UHRF2: variants seen among roughly 807,000 people sequenced by gnomAD.
UHRF2 encodes ubiquitin like with PHD and ring finger domains 2, also known as E3 ubiquitin-protein ligase UHRF2.
In UHRF2, 23 loss-of-function variants were observed where a neutral mutation model predicts 96.8. The ratio of observed to expected loss-of-function variants is 0.24; its 90% CI spans 0.17 to 0.34. The LOEUF is 0.34. Among genes scored for constraint, UHRF2 ranks in the 10% least tolerant of loss-of-function variants. The probability of loss-of-function intolerance (pLI) is 1.00; values close to 1 mark genes in which losing one functional copy is unlikely to be tolerated. For synonymous variants in UHRF2, 385 were observed against 332.6 expected, an observed-to-expected ratio of 1.16 and a Z score of -1.72; for missense variants, 685 against 981.5, an observed-to-expected ratio of 0.70 and a Z score of 4.04.
intron 3 of UHRF2, among the ~76,000 whole-genome samples, chr9:6,452,725 G>A (rs1290622643): frequency 6.6e-6 from 1 of 152,184 alleles, no homozygotes; most frequent in Non-Finnish European, 1.5e-5. Flanking sequence ...TTTTCTCAGA[G>A]AATACTGAGC....
intron 14 of UHRF2, among the ~76,000 whole-genome samples, chr9:6,503,671 G>A (rs566628361): frequency 6.6e-6 from 1 of 151,904 alleles, no homozygotes; most frequent in African/African-American, 2.4e-5. Flanking sequence ...AGCTCCTAAA[G>A]ACAAATATTC....
At chr9:6,448,471 GA>G (rs1286089895) in intron 3 of UHRF2, among the ~76,000 whole-genome samples, 1 of 152,158 alleles carries the variant, frequency 6.6e-6, no homozygotes, top group African/African-American at 2.4e-5. Context: ...TGATCAGTTT[GA>G]AAAACGTCTC....
intron 14 of UHRF2, 138 bp from the exon 15 acceptor site, chr9:6,504,455 C>T (rs773989336): frequency 8.9e-6 from 5 of 561,034 alleles, no homozygotes; most frequent in South Asian, 2.5e-5. Context: ...TTGGAATGTT[C>T]ATCACTATAA....
intron 10 of UHRF2, 180 bp from the exon 11 acceptor site, chr9:6,497,018 C>T: frequency 1.7e-6 from 1 of 598,990 alleles, no homozygotes; most frequent in Non-Finnish European, 2.7e-6. Context: ...CATCAGAAAA[C>T]TGATTTGTCT....
At chr9:6,468,268 T>C in intron 4 of UHRF2, 1 of 359,470 alleles carries the variant, frequency 2.8e-6, no homozygotes, top group South Asian at 2.1e-5. Context: ...AAATGGTACA[T>C]AAGTGAAAAA....
At chr9:6,441,215 C>CA (rs999422800) in intron 3 of UHRF2, among the ~76,000 whole-genome samples, 35 of 151,250 alleles carry the variant, frequency 2.3e-4, no homozygotes, top group Admixed American at 1.5e-3. Flanking sequence ...CCAGTCTCTA[C>CA]AAAAAAAACT....
intron 9 of UHRF2, among the ~76,000 whole-genome samples, chr9:6,491,286 C>T (rs1004360537): frequency 2.6e-5 from 4 of 152,124 alleles, no homozygotes; most frequent in African/African-American, 4.8e-5. Flanking sequence ...TGATTTTAGG[C>T]GATTTACTGA....
At chr9:6,452,849 G>A (rs957129478) in intron 3 of UHRF2, among the ~76,000 whole-genome samples, 8 of 152,176 alleles carry the variant, frequency 5.3e-5, no homozygotes, top group African/African-American at 1.7e-4. Flanking sequence ...AAGTTTAGGC[G>A]AGAGTGGAGC....
At chr9:6,485,346 C>T (rs185384680) in intron 8 of UHRF2, among the ~76,000 whole-genome samples, 54 of 151,840 alleles carry the variant, frequency 3.6e-4, no homozygotes, top group Non-Finnish European at 5.6e-4. Context: ...CTGTCTGTCA[C>T]GTATTTATTT....
At chr9:6,426,895 C>T (rs1820289948) in intron 2 of UHRF2, among the ~76,000 whole-genome samples, 1 of 152,062 alleles carries the variant, frequency 6.6e-6, no homozygotes, top group African/African-American at 2.4e-5. Flanking sequence ...ATTACAGGCA[C>T]CCGCCACCAT....
chr9:6,469,078 C>CAA (rs1010235359), intron 4 of UHRF2, among the ~76,000 whole-genome samples: 1 of 152,138 alleles, frequency 6.6e-6, no homozygotes, highest in Non-Finnish European at 1.5e-5. Flanking sequence ...CTTGATAATT[C>CAA]AAGTTATCAG....
intron 1 of UHRF2, among the ~76,000 whole-genome samples, chr9:6,419,108 C>A (rs1819775457): frequency 1.3e-5 from 2 of 152,162 alleles, no homozygotes. Context: ...TCTCTAAAGA[C>A]CCTATCTCAA....
chr9:6,455,130 TTTTG>T (rs138813672), intron 3 of UHRF2, among the ~76,000 whole-genome samples: 10,137 of 152,184 alleles, frequency 0.067, 350 homozygotes, highest in Middle Eastern at 0.12. Flanking sequence ...GCAGCAGCTT[TTTTG>T]TTTGTTTGTT....
intron 4 of UHRF2, among the ~76,000 whole-genome samples, chr9:6,465,356 T>C (rs1283916700): frequency 6.6e-6 from 1 of 152,186 alleles, no homozygotes; most frequent in East Asian, 1.9e-4. Flanking sequence ...AATCTTCTTT[T>C]TCTTTCTTAC....
At chr9:6,429,135 A>G (rs781137642) in intron 2 of UHRF2, among the ~76,000 whole-genome samples, 27 of 152,040 alleles carry the variant, frequency 1.8e-4, no homozygotes, top group South Asian at 4.1e-4. Context: ...ACTGCACTCC[A>G]GCCTGGGCAA....
intron 4 of UHRF2, among the ~76,000 whole-genome samples, chr9:6,464,678 A>G (rs1822755833): frequency 2.0e-5 from 3 of 152,148 alleles, no homozygotes; most frequent in African/African-American, 4.8e-5. Context: ...TTTCCCTCCC[A>G]TTGATCTTCA....
At chr9:6,418,376 A>T (rs762391320) in intron 1 of UHRF2, among the ~76,000 whole-genome samples, 6 of 151,704 alleles carry the variant, frequency 4.0e-5, no homozygotes, top group Non-Finnish European at 8.8e-5. Flanking sequence ...AAGCATGGTA[A>T]CTTGTGAGGT....
At chr9:6,481,962 A>T (rs1275778150) in intron 7 of UHRF2, 30 bp from the exon 8 acceptor site, 7 of 1,604,220 alleles carry the variant, frequency 4.4e-6, no homozygotes, top group Admixed American at 1.7e-5. Flanking sequence ...AACATAACTG[A>T]TTTCTCAACG....
At chr9:6,488,068 C>T (rs192174472) in intron 9 of UHRF2, among the ~76,000 whole-genome samples, 1 of 151,122 alleles carries the variant, frequency 6.6e-6, no homozygotes, top group African/African-American at 2.4e-5. Flanking sequence ...TGGCAAAGCC[C>T]TGTCCCTACC....
Sources: gnomAD v4.1 joint callset for allele counts (sites outside exome capture counted in the v4.1 genomes callset) on GRCh38, gnomAD v4.1.1 for gene constraint, MANE v1.5 for transcripts, NCBI Gene and HGNC (gene_info 2026-07-23, HGNC 2026-07-21) for gene names.